TCF20: variants seen among roughly 807,000 people sequenced by gnomAD.
TCF20 encodes the protein transcription factor 20, also known as SPRE-binding protein.
In TCF20, 3 loss-of-function variants were observed where a neutral mutation model predicts 148.6. The observed-to-expected ratio is 0.02, with a 90% confidence interval of 0.01 to 0.05. The LOEUF (loss-of-function observed/expected upper bound fraction) is 0.05, where lower values mean the gene tolerates loss of function less well. Ranked by LOEUF, TCF20 falls within the 10% of genes least tolerant of loss-of-function variation. TCF20 has a pLI of 1.00. For missense variants in TCF20, 2,350 were observed against 2,429.3 expected (o/e 0.97, Z 0.69); for synonymous variants, 1,049 against 909.5 (o/e 1.15, Z -2.76).
chr22:42,307,154 G>A (rs2147038683), intron 1 of TCF20, among the ~76,000 whole-genome samples: 1 of 152,204 alleles, frequency 6.6e-6, no homozygotes, highest in East Asian at 1.9e-4. Flanking sequence ...TTGCCCCTGA[G>A]ATGCACCAAG....
intron 1 of TCF20, among the ~76,000 whole-genome samples, chr22:42,321,033 G>T (rs1927722991): frequency 6.6e-6 from 1 of 152,210 alleles, no homozygotes; most frequent in Non-Finnish European, 1.5e-5. Flanking sequence ...TTATGGCTGA[G>T]AATTTAAATA....
chr22:42,308,609 G>A (rs1327614765), intron 1 of TCF20, among the ~76,000 whole-genome samples: 1 of 152,098 alleles, frequency 6.6e-6, no homozygotes, highest in Non-Finnish European at 1.5e-5. Flanking sequence ...GTGTACCCAG[G>A]GCCATGGCAG....
chr22:42,221,922 T>C (rs1248936205), intron 1 of TCF20, among the ~76,000 whole-genome samples: 1 of 151,610 alleles, frequency 6.6e-6, no homozygotes, highest in Non-Finnish European at 1.5e-5. Flanking sequence ...GTATTTTTAG[T>C]AGAGACAGGG....
chr22:42,255,013 T>A (rs1478457358), intron 1 of TCF20, among the ~76,000 whole-genome samples: 2 of 149,438 alleles, frequency 1.3e-5, no homozygotes, highest in Non-Finnish European at 3.0e-5. Context: ...GGTGAGAGTT[T>A]TTCCCAATTC....
At chr22:42,167,420 C>A (rs766463558) in intron 5 of TCF20, among the ~76,000 whole-genome samples, 4 of 152,234 alleles carry the variant, frequency 2.6e-5, no homozygotes, top group Non-Finnish European at 5.9e-5. Flanking sequence ...GAGGTCGACA[C>A]AGAAGTCCTC....
chr22:42,170,018 G>A, intron 3 of TCF20, 122 bp from the exon 4 acceptor site: 2 of 879,278 alleles, frequency 2.3e-6, no homozygotes, highest in Non-Finnish European at 3.6e-6. Context: ...ACTTCTAATA[G>A]GAAAACATTA....
intron 5 of TCF20, among the ~76,000 whole-genome samples, chr22:42,161,593 A>C (rs918783919): frequency 1.3e-5 from 2 of 151,964 alleles, no homozygotes; most frequent in African/African-American, 2.4e-5. Flanking sequence ...CTGGGGTTGG[A>C]CTCTGAGGGC....
At chr22:42,283,026 C>T (rs1440294610) in intron 1 of TCF20, among the ~76,000 whole-genome samples, 1 of 152,236 alleles carries the variant, frequency 6.6e-6, no homozygotes, top group Non-Finnish European at 1.5e-5. Flanking sequence ...ACAGAGACAA[C>T]ACAATGTCAT....
intron 1 of TCF20, among the ~76,000 whole-genome samples, chr22:42,220,590 GT>G (rs1436557344): frequency 6.6e-6 from 1 of 152,100 alleles, no homozygotes; most frequent in Non-Finnish European, 1.5e-5. Flanking sequence ...GTTATAGCCT[GT>G]GTAAGGGATA....
intron 1 of TCF20, among the ~76,000 whole-genome samples, chr22:42,245,014 C>T (rs991189467): frequency 4.0e-5 from 6 of 151,744 alleles, no homozygotes; most frequent in Admixed American, 1.3e-4. Flanking sequence ...GCCTGGGAGG[C>T]GGAGATTGCA....
chr22:42,233,485 A>G (rs550262702), intron 1 of TCF20, among the ~76,000 whole-genome samples: 1 of 152,320 alleles, frequency 6.6e-6, no homozygotes, highest in South Asian at 2.1e-4. Flanking sequence ...CTGCGTGAAT[A>G]ATACCAGCTT....
chr22:42,264,969 T>C lies in TCF20; in HGVS notation c.-37+5370A>G, dbSNP rs528328986. 4.4e-4 allele frequency among the ~76,000 whole-genome samples: 67 copies of C among 152,372 alleles called. 1 individual carries two copies. The South Asian group carries it at 0.013, about 30-fold the overall frequency. On this transcript the variant is annotated intron_variant, in intron 1 of 5. Coordinates refer to ENST00000677622, the MANE Select transcript of TCF20 (RefSeq NM_001378418.1). Reference sequence around the variant, plus strand: ...TCCAATGAATTTCTACTCTTTCCTATAGAACAGCTTACATATGCATACTGC... The same window carrying C: ...TCCAATGAATTTCTACTCTTTCCTACAGAACAGCTTACATATGCATACTGC...
intron 1 of TCF20, among the ~76,000 whole-genome samples, chr22:42,219,315 G>T (rs1922111662): frequency 8.0e-6 from 1 of 125,330 alleles, no homozygotes; most frequent in Non-Finnish European, 1.6e-5. Flanking sequence ...AGCTATGAAT[G>T]TGCCAATGTG....
chr22:42,180,191 G>T lies in TCF20; in HGVS notation c.5656-489C>A, dbSNP rs186818843. 3.2e-4 allele frequency among the ~76,000 whole-genome samples: 48 copies of T among 152,272 alleles called. No homozygotes were observed. In the East Asian group the frequency reaches 6.7e-3, roughly 21 times the overall value. ...AATTTGGTTTCTAGTTCTTGTATTT[G>T]TAAGAAGATTTTATTTTTATTTTTG... is the stretch of plus-strand genomic sequence containing the variant. On this transcript the variant is annotated intron_variant, in intron 2 of 5. Coordinates refer to ENST00000677622, the MANE Select transcript of TCF20 (RefSeq NM_001378418.1).
chr22:42,261,448 A>C (rs1003274278), intron 1 of TCF20, among the ~76,000 whole-genome samples: 1 of 152,230 alleles, frequency 6.6e-6, no homozygotes, highest in Non-Finnish European at 1.5e-5. Context: ...TCAGCAGTGC[A>C]TTCAAGTTCC....
chr22:42,204,498 A>C (rs1453213273), intron 2 of TCF20, among the ~76,000 whole-genome samples: 7 of 151,720 alleles, frequency 4.6e-5, no homozygotes, highest in African/African-American at 1.5e-4. Context: ...CTGTCTCAAA[A>C]AATCAAGGAA....
upstream of TCF20, among the ~76,000 whole-genome samples, chr22:42,285,560 G>A (rs887003559): frequency 1.3e-5 from 2 of 152,066 alleles, no homozygotes; most frequent in Non-Finnish European, 2.9e-5. The surrounding 1 kb of genome is among the most constrained non-coding windows in gnomAD (Gnocchi z 4.2). Context: ...GACTGCAACT[G>A]GAAATGCCAG....
intron 2 of TCF20, among the ~76,000 whole-genome samples, chr22:42,189,140 C>G (rs1042944081): frequency 2.6e-5 from 4 of 152,092 alleles, no homozygotes; most frequent in Non-Finnish European, 5.9e-5. Context: ...ATGGCTGTTG[C>G]TGGGTTAGGG....
At chr22:42,232,402 C>CAA (rs141568144) in intron 1 of TCF20, among the ~76,000 whole-genome samples, 3 of 145,128 alleles carry the variant, frequency 2.1e-5, no homozygotes, top group African/African-American at 7.6e-5. Context: ...TGTACCAAAA[C>CAA]AAAAAAAAAA....
Sources: allele counts gnomAD v4.1 joint callset (sites outside exome capture counted in the v4.1 genomes callset), GRCh38; gene constraint gnomAD v4.1.1; non-coding constraint Gnocchi (gnomAD v3.1); transcripts MANE v1.5; gene names NCBI Gene and HGNC (gene_info 2026-07-23, HGNC 2026-07-21).